Variants in TDRD5 observed in about 807,000 individuals in gnomAD.
TDRD5 encodes tudor domain-containing protein 5.
TDRD5 carries 41 observed loss-of-function variants against 120.6 expected under a neutral mutation model. The ratio of observed to expected loss-of-function variants is 0.34; its 90% CI spans 0.26 to 0.44. The LOEUF is 0.44. TDRD5 is among the 20% of genes least tolerant of loss of function. TDRD5 has a pLI of 1.00. For synonymous variants in TDRD5, 430 were observed against 433.7 expected (o/e 0.99, Z 0.11); for missense variants, 1,006 against 1,221.2 (o/e 0.82, Z 2.63).
At position 179,639,938 on chromosome 1, in the gene TDRD5, G is replaced by A. The variant is rs2102025568; in HGVS notation, c.1620G>A (p.Lys540=). 1 of 1,614,138 alleles carries A rather than the reference G, an allele frequency of 6.2e-7. No homozygotes were observed. The highest frequency in any genetic ancestry group is 2.2e-5 in the East Asian group (1 of 44,866). Residue 540 remains lysine (K), a synonymous_variant, in exon 10 of 18, where the codon AAG becomes AAA. Coordinates refer to ENST00000444136, the MANE Select transcript of TDRD5 (RefSeq NM_001199085.3). ...GTTGTGTAAGGATTTCTGAGGATAA[G>A]TGGTGGTATCGGGTCATTATCCATC... ...HLCCVRISED[K]WWYRVIIHRV...
At position 179,648,764 on chromosome 1, in the gene TDRD5, A is replaced by C. The variant is rs546109570; in HGVS notation, c.1801-2103A>C. 1.0e-4 allele frequency among the ~76,000 whole-genome samples: 15 copies of C among 147,962 alleles called. No individual in the cohort carries two copies. The East Asian group carries it at 3.0e-3, about 29-fold the overall frequency. ...AAATGAGACGTGGACCAAGATTAAA[A>C]GAGTATTAAATACTAAAAAACAATA... is the stretch of plus-strand genomic sequence containing the variant. On this transcript the variant is annotated intron_variant, in intron 11 of 17. Coordinates refer to ENST00000444136, the MANE Select transcript of TDRD5 (RefSeq NM_001199085.3).
chr1:179,668,539 G>A (rs1482113830), intron 16 of TDRD5, among the ~76,000 whole-genome samples: 1 of 152,152 alleles, frequency 6.6e-6, no homozygotes, highest in Non-Finnish European at 1.5e-5. Context: ...AGAAACACAT[G>A]CAGATAACCT....
intron 17 of TDRD5, among the ~76,000 whole-genome samples, chr1:179,677,893 A>G (rs1680219511): frequency 6.6e-6 from 1 of 152,146 alleles, no homozygotes; most frequent in South Asian, 2.1e-4. Context: ...GGAGGATGCA[A>G]ACTTGCCCTA....
intron 4 of TDRD5, among the ~76,000 whole-genome samples, chr1:179,611,140 C>A (rs969903088): frequency 6.6e-6 from 1 of 152,012 alleles, no homozygotes; most frequent in African/African-American, 2.4e-5. Context: ...TCACTGCAAC[C>A]TCCTGGGTTC....
At chr1:179,690,571 G>T in intron 17 of TDRD5, 125 bp from the exon 18 acceptor site, 1 of 1,302,128 alleles carries the variant, frequency 7.7e-7, no homozygotes, top group South Asian at 1.5e-5. Context: ...ATTAGCCATT[G>T]GTAATTGTCG....
chr1:179,640,551 C>A, intron 11 of TDRD5, 106 bp downstream of exon 11: 1 of 1,203,134 alleles, frequency 8.3e-7, no homozygotes. Flanking sequence ...TAGAACCAGC[C>A]TTCAAAGAAG....
chr1:179,599,709 A>G (rs956551118), intron 4 of TDRD5, among the ~76,000 whole-genome samples: 3 of 152,080 alleles, frequency 2.0e-5, no homozygotes, highest in Admixed American at 6.5e-5. Flanking sequence ...TCTCATACAC[A>G]TATCAGTCTC....
chr1:179,669,242 G>A lies in TDRD5; in HGVS notation c.2698G>A (p.Glu900Lys). 1 of 1,614,034 alleles carries A rather than the reference G, an allele frequency of 6.2e-7. No individual in the cohort carries two copies. The highest frequency in any genetic ancestry group is 1.1e-5 in the South Asian group (1 of 91,072). ...SSDSSTLPKLEEFCTSLTQSE... is the reference protein window; with the variant it reads ...SSDSSTLPKLKEFCTSLTQSE... ...AGATTCTTCCACACTGCCCAAATTG[G>A]AAGAATTCTGTACCTCTCTTACCCA... is the stretch of plus-strand genomic sequence containing the variant. The change falls in exon 17 of 18, where the codon GAA (glutamate) becomes AAA (lysine). Residue 900 changes from glutamate (E) to lysine (K), a missense_variant. Coordinates refer to ENST00000444136, the MANE Select transcript of TDRD5 (RefSeq NM_001199085.3).
At chr1:179,606,472 T>C (rs1675989699) in intron 4 of TDRD5, among the ~76,000 whole-genome samples, 1 of 152,250 alleles carries the variant, frequency 6.6e-6, no homozygotes, top group Non-Finnish European at 1.5e-5. Flanking sequence ...TTCTTTCATG[T>C]ATTGTGCCTT....
At chr1:179,609,545 G>A (rs543667611) in intron 4 of TDRD5, among the ~76,000 whole-genome samples, 1 of 152,216 alleles carries the variant, frequency 6.6e-6, no homozygotes, top group Admixed American at 6.5e-5. Context: ...GGACTTCCCA[G>A]CCTCCAGAAC....
chr1:179,623,183 A>G (rs1676930006), intron 6 of TDRD5, among the ~76,000 whole-genome samples: 1 of 152,204 alleles, frequency 6.6e-6, no homozygotes, highest in African/African-American at 2.4e-5. Flanking sequence ...TTTTCAGGTA[A>G]TCAGAATTGG....
rs143623460 is a variant in TDRD5 at position 179,634,128 on chromosome 1, A to T, written c.1127-329A>T. On this transcript the variant is annotated intron_variant, in intron 7 of 17. Coordinates refer to ENST00000444136, the MANE Select transcript of TDRD5 (RefSeq NM_001199085.3). Reference sequence around the variant, plus strand: ...GGAACTTGCAGTGAGCCGAGATCGCACCACTGCACTCCAGTCTGGGCAATA... The same window carrying T: ...GGAACTTGCAGTGAGCCGAGATCGCTCCACTGCACTCCAGTCTGGGCAATA... 8.0e-3 allele frequency among the ~76,000 whole-genome samples: 1,205 copies of T among 150,114 alleles called. 36 individuals carry two copies. The highest frequency in any genetic ancestry group is 0.057 in the Admixed American group (846 of 14,818).
At position 179,690,883 on chromosome 1, in the gene TDRD5, G is replaced by A. The variant is rs746089683; in HGVS notation, c.3048G>A (p.Arg1016=). Reference sequence around the variant, plus strand: ...CTGCTGCCTTAGGTGCTGCCGCACGGTTAGCTACATCCAGGAGCCTCCTAC... The same window carrying A: ...CTGCTGCCTTAGGTGCTGCCGCACGATTAGCTACATCCAGGAGCCTCCTAC... ...TATAALGAAA[R]LATSRSLLHW... The change falls in exon 18 of 18, where the codon CGG becomes CGA. Residue 1016 remains arginine, a synonymous_variant. Transcript: ENST00000444136. 2.5e-6 allele frequency: 4 copies of A among 1,614,036 alleles called. No homozygotes were observed. The highest frequency in any genetic ancestry group is 3.3e-5 in the Admixed American group (2 of 60,006).
intron 4 of TDRD5, among the ~76,000 whole-genome samples, chr1:179,601,239 C>A (rs956386566): frequency 6.6e-6 from 1 of 151,894 alleles, no homozygotes; most frequent in African/African-American, 2.4e-5. Context: ...TATGGTTTGG[C>A]TATTTTGTTT....
At chr1:179,637,657 G>T (rs985810042) in intron 9 of TDRD5, among the ~76,000 whole-genome samples, 1 of 151,414 alleles carries the variant, frequency 6.6e-6, no homozygotes, top group African/African-American at 2.5e-5. Flanking sequence ...TGAAGCTGCA[G>T]TGAGTCATGA....
At chr1:179,601,036 T>C (rs1021401335) in intron 4 of TDRD5, among the ~76,000 whole-genome samples, 1 of 152,200 alleles carries the variant, frequency 6.6e-6, no homozygotes, top group African/African-American at 2.4e-5. Flanking sequence ...TTTATCTAGG[T>C]AAATGTTTCA....
At chr1:179,614,708 C>A (rs1676471746) in intron 4 of TDRD5, among the ~76,000 whole-genome samples, 1 of 151,882 alleles carries the variant, frequency 6.6e-6, no homozygotes, top group African/African-American at 2.4e-5. Context: ...CTTTCTGATA[C>A]CTTCAGGTGT....
chr1:179,632,708 T>C (rs1677524648), intron 7 of TDRD5, among the ~76,000 whole-genome samples: 2 of 152,208 alleles, frequency 1.3e-5, no homozygotes, highest in Admixed American at 6.5e-5. Flanking sequence ...TTTGGACCTC[T>C]TCTATATGGT....
At chr1:179,687,137 G>A (rs1572450988) in intron 17 of TDRD5, among the ~76,000 whole-genome samples, 1 of 151,948 alleles carries the variant, frequency 6.6e-6, no homozygotes, top group Non-Finnish European at 1.5e-5. Flanking sequence ...GTGATGTTAG[G>A]GTGTCAATTT....
Sources: allele counts gnomAD v4.1 joint callset (sites outside exome capture counted in the v4.1 genomes callset), GRCh38; gene constraint gnomAD v4.1.1; transcripts MANE v1.5; gene names NCBI Gene and HGNC (gene_info 2026-07-23, HGNC 2026-07-21).